The following TRHDE variants were observed in gnomAD, a reference collection of about 807,000 sequenced individuals.
TRHDE encodes thyrotropin-releasing hormone-degrading ectoenzyme.
TRHDE carries 72 observed loss-of-function variants against 125.7 expected under a neutral mutation model. That is an observed-to-expected ratio of 0.57 (90% CI 0.47 to 0.70). The LOEUF is 0.70. TRHDE is among the 30% of genes least tolerant of loss of function. TRHDE has a pLI of 0.00. For synonymous variants in TRHDE, 509 were observed against 509.1 expected, an observed-to-expected ratio of 1.00 and a Z score of 0.00; for missense variants, 1,110 against 1,327.1, an observed-to-expected ratio of 0.84 and a Z score of 2.54.
intron 2 of TRHDE, among the ~76,000 whole-genome samples, chr12:72,290,822 G>A (rs763232735): frequency 6.6e-6 from 1 of 152,192 alleles, no homozygotes; most frequent in Non-Finnish European, 1.5e-5. Context: ...TGAGTGTCCT[G>A]AAAGAACTAG....
intron 1 of TRHDE, among the ~76,000 whole-genome samples, chr12:72,277,911 C>T (rs1489817835): frequency 1.3e-5 from 2 of 152,080 alleles, no homozygotes; most frequent in Non-Finnish European, 2.9e-5. Flanking sequence ...AGTTAATTAA[C>T]AAATGCATCA....
chr12:72,290,836 G>C (rs1451493839), intron 2 of TRHDE, among the ~76,000 whole-genome samples: 1 of 152,166 alleles, frequency 6.6e-6, no homozygotes, highest in Non-Finnish European at 1.5e-5. Context: ...GAACTAGGTG[G>C]GCGTTATGTG....
intron 3 of TRHDE, among the ~76,000 whole-genome samples, chr12:72,434,178 A>C (rs139024425): frequency 6.6e-6 from 1 of 152,046 alleles, no homozygotes; most frequent in African/African-American, 2.4e-5. Flanking sequence ...TAAAGTCAGG[A>C]GTTCAAGAGC....
chr12:72,332,974 C>T (rs575629369), intron 2 of TRHDE, among the ~76,000 whole-genome samples: 88 of 152,342 alleles, frequency 5.8e-4, no homozygotes, highest in African/African-American at 2.0e-3. Flanking sequence ...CTCAAGTTTA[C>T]TGAAATTATC....
chr12:72,280,966 G>A (rs141681814), intron 1 of TRHDE, among the ~76,000 whole-genome samples: 319 of 152,186 alleles, frequency 2.1e-3, no homozygotes, highest in African/African-American at 7.2e-3. Context: ...CTAATATTAT[G>A]ACCTGGGAAA....
chr12:72,348,072 T>C (rs1336070487), intron 2 of TRHDE, among the ~76,000 whole-genome samples: 1 of 151,874 alleles, frequency 6.6e-6, no homozygotes, highest in Non-Finnish European at 1.5e-5. Context: ...CAATCAAAAA[T>C]TATATATACA....
chr12:72,292,062 A>G (rs1019748948), intron 2 of TRHDE, among the ~76,000 whole-genome samples: 1 of 152,254 alleles, frequency 6.6e-6, no homozygotes, highest in Non-Finnish European at 1.5e-5. Flanking sequence ...ATACCCACAG[A>G]TCTCTTTAAG....
chr12:72,171,979 A>G (rs560232327), intron 2 of TRHDE, among the ~76,000 whole-genome samples: 2 of 152,276 alleles, frequency 1.3e-5, no homozygotes, highest in South Asian at 4.1e-4. Flanking sequence ...TTGCCCTGTG[A>G]GAATGCTTTC....
At chr12:72,278,115 A>T (rs1397968296) in intron 1 of TRHDE, among the ~76,000 whole-genome samples, 3 of 152,032 alleles carry the variant, frequency 2.0e-5, no homozygotes, top group Non-Finnish European at 4.4e-5. Context: ...ACCTCTTATT[A>T]TCTGGTAAAC....
At chr12:72,444,866 G>T (rs971787683) in intron 3 of TRHDE, among the ~76,000 whole-genome samples, 1 of 151,772 alleles carries the variant, frequency 6.6e-6, no homozygotes, top group African/African-American at 2.4e-5. Flanking sequence ...CCATTCCCAT[G>T]GCCTTTATGA....
At chr12:72,237,724 G>C (rs1878362130) in intron 2 of TRHDE, among the ~76,000 whole-genome samples, 1 of 152,138 alleles carries the variant, frequency 6.6e-6, no homozygotes, top group African/African-American at 2.4e-5. Flanking sequence ...GGCCTCCCTA[G>C]CCATGCGGAA....
intron 2 of TRHDE, among the ~76,000 whole-genome samples, chr12:72,369,203 G>A (rs1871465512): frequency 6.6e-6 from 1 of 152,092 alleles, no homozygotes; most frequent in African/African-American, 2.4e-5. Flanking sequence ...ACACCAACAG[G>A]AGCTCCCATT....
rs143686227 is a variant in TRHDE at position 72,445,759 on chromosome 12, T to C, written c.1316-23999T>C. On this transcript the variant is annotated intron_variant, in intron 3 of 18. Coordinates refer to ENST00000261180, the MANE Select transcript of TRHDE (RefSeq NM_013381.3). ...TGGCACATGGATAGATTTTATTTGG[T>C]CTTGAAGATGTTATTAAGCCTTTGA... Among the ~76,000 whole-genome samples, 324 of 152,084 alleles carry C rather than the reference T, an allele frequency of 2.1e-3. 8 individuals are homozygous for C. The East Asian group carries it at 0.059, about 28-fold the overall frequency.
At chr12:72,403,875 G>T (rs1873151148) in intron 3 of TRHDE, among the ~76,000 whole-genome samples, 1 of 152,134 alleles carries the variant, frequency 6.6e-6, no homozygotes, top group African/African-American at 2.4e-5. Context: ...AGTGGAGGGG[G>T]TAGGTCATAG....
At chr12:72,137,025 C>T (rs1876001834) in intron 2 of TRHDE, among the ~76,000 whole-genome samples, 1 of 152,158 alleles carries the variant, frequency 6.6e-6, no homozygotes. Flanking sequence ...CCGGCAATAG[C>T]GAGTGAAACA....
intron 2 of TRHDE, among the ~76,000 whole-genome samples, chr12:72,375,848 C>T (rs553779499): frequency 2.0e-5 from 3 of 152,178 alleles, no homozygotes; most frequent in South Asian, 2.1e-4. Context: ...AAGATGGGTG[C>T]GAATAAATAT....
In TRHDE at chr12:72,641,943, G is replaced by A. The variant is rs1874081753; in HGVS notation, c.2676-10379G>A. ...TAGTATTAGGAAGTAGGGTCTTTGG[G>A]AGCTAAATCACAGTTTGTGATGCTG... is the stretch of plus-strand genomic sequence containing the variant. On this transcript the variant is annotated intron_variant, in intron 15 of 18. Coordinates refer to ENST00000261180, the MANE Select transcript of TRHDE (RefSeq NM_013381.3). 2.0e-5 allele frequency among the ~76,000 whole-genome samples: 3 copies of A among 152,104 alleles called. No individual in the cohort carries two copies. The South Asian group carries it at 6.2e-4, about 32-fold the overall frequency.
chr12:72,543,158 GC>G, intron 7 of TRHDE, among the ~76,000 whole-genome samples: 1 of 151,280 alleles, frequency 6.6e-6, no homozygotes, highest in Non-Finnish European at 1.5e-5. Flanking sequence ...TTCTTAGTAA[GC>G]TTTTCATTTT....
chr12:72,122,474 T>A (rs1460993476), intron 2 of TRHDE, among the ~76,000 whole-genome samples: 1 of 152,204 alleles, frequency 6.6e-6, no homozygotes, highest in Non-Finnish European at 1.5e-5. Context: ...CTGAAAAAAG[T>A]CCCATTTTTA....
Sources: allele counts gnomAD v4.1 joint callset (sites outside exome capture counted in the v4.1 genomes callset), GRCh38; gene constraint gnomAD v4.1.1; transcripts MANE v1.5; gene names NCBI Gene and HGNC (gene_info 2026-07-23, HGNC 2026-07-21).